Variants in ITGA6 observed in about 807,000 individuals in gnomAD.
The protein encoded by ITGA6 is integrin subunit alpha 6.
ITGA6 carries 63 observed loss-of-function variants against 133.6 expected under a neutral mutation model. That is an observed-to-expected ratio of 0.47 (90% CI 0.38 to 0.58). The LOEUF is 0.58. ITGA6 is among the 20% of genes least tolerant of loss of function. ITGA6 has a pLI of 0.00. For synonymous variants in ITGA6, 434 were observed against 482.0 expected, an observed-to-expected ratio of 0.90 and a Z score of 1.30; for missense variants, 1,068 against 1,309.4, an observed-to-expected ratio of 0.82 and a Z score of 2.85.
At chr2:172,474,017 G>C in intron 5 of ITGA6, 38 bp from the exon 6 acceptor site, 3 of 1,450,024 alleles carry the variant, frequency 2.1e-6, no homozygotes, top group Non-Finnish European at 2.9e-6. Flanking sequence ...AAAATATATG[G>C]ATTGATGTGA....
intron 1 of ITGA6, among the ~76,000 whole-genome samples, chr2:172,437,589 G>A (rs1376591156): frequency 6.6e-6 from 1 of 152,130 alleles, no homozygotes; most frequent in African/African-American, 2.4e-5. Flanking sequence ...GGTTTGGAGT[G>A]TCTAGACAGC....
At chr2:172,473,867 C>G (rs1686049082) in intron 5 of ITGA6, among the ~76,000 whole-genome samples, 188 bp from the exon 6 acceptor site, 1 of 152,106 alleles carries the variant, frequency 6.6e-6, no homozygotes. Flanking sequence ...AATTAGCTAG[C>G]CCCAGGACTT....
intron 5 of ITGA6, among the ~76,000 whole-genome samples, chr2:172,473,292 A>C (rs941711173): frequency 3.3e-5 from 5 of 152,216 alleles, no homozygotes; most frequent in Non-Finnish European, 5.9e-5. Context: ...GTAATCTGAC[A>C]TCCTACCTGA....
intron 10 of ITGA6, 78 bp downstream of exon 10, chr2:172,479,817 G>A: frequency 7.4e-7 from 1 of 1,355,550 alleles, no homozygotes; most frequent in Non-Finnish European, 1.1e-6. Context: ...GTCCTGAGGA[G>A]CCACAGGGAA....
intron 23 of ITGA6, chr2:172,495,518 T>A (rs1454034512): frequency 6.6e-6 from 1 of 152,080 alleles, no homozygotes; most frequent in African/African-American, 2.4e-5. Flanking sequence ...GGAGAATGAC[T>A]GTCATACCAG....
chr2:172,474,211 G>A lies in ITGA6; in HGVS notation c.932G>A (p.Gly311Asp), dbSNP rs149809522. The stretch of plus-strand genomic sequence containing the variant: ...CCTGAGCACATATTCGATGGAGAAG[G>A]TCTGGCCTCTTCATTTGGCTATGAT... ...LLPEHIFDGEGLASSFGYDVA... is the reference protein window; with the variant it reads ...LLPEHIFDGEDLASSFGYDVA... The change falls in exon 6 of 26, where the codon GGT becomes GAT. Residue 311 changes from glycine to aspartate, a missense_variant. By Grantham distance (94) the Gly-to-Asp change is moderately conservative. Coordinates refer to ENST00000684293, the MANE Select transcript of ITGA6 (RefSeq NM_000210.4). 2.8e-4 allele frequency: 458 copies of A among 1,614,126 alleles called. No homozygotes were observed. The highest frequency in any genetic ancestry group is 2.8e-4 in the Non-Finnish European group (328 of 1,180,030).
chr2:172,461,977 C>T (rs1314220970), intron 1 of ITGA6, among the ~76,000 whole-genome samples: 1 of 152,210 alleles, frequency 6.6e-6, no homozygotes, highest in African/African-American at 2.4e-5. Flanking sequence ...GGCACAGCCT[C>T]AGCTAATGGG....
chr2:172,475,773 A>T lies in ITGA6; in HGVS notation c.1269+88A>T, dbSNP rs867975768. On this transcript the variant is annotated intron_variant, in intron 8 of 25. Coordinates refer to ENST00000684293, the MANE Select transcript of ITGA6 (RefSeq NM_000210.4). ...TTAGGTTTAAGTGACTTTTCACACAAATCTTATTTTATTTACAAGTCCACA... is the reference window on the plus strand; with the variant it reads ...TTAGGTTTAAGTGACTTTTCACACATATCTTATTTTATTTACAAGTCCACA... The T allele has an allele frequency of 2.9e-4, 232 of 795,420 alleles. 1 individual carries two copies. The highest frequency in any genetic ancestry group is 2.3e-3 in the Middle Eastern group (10 of 4,396). The allele number at this position is 795,420 out of a possible 1,614,324, so 49.3% of individuals were successfully genotyped here.
chr2:172,485,503 AACC>A (rs1181224659), intron 13 of ITGA6, among the ~76,000 whole-genome samples: 2 of 152,204 alleles, frequency 1.3e-5, no homozygotes, highest in Non-Finnish European at 2.9e-5. Context: ...TGGCCATTAT[AACC>A]TATCGAGACT....
At chr2:172,484,751 C>T in intron 11 of ITGA6, 31 bp from the exon 12 acceptor site, 43 of 1,597,950 alleles carry the variant, frequency 2.7e-5, no homozygotes, top group Non-Finnish European at 3.7e-5. Flanking sequence ...CATGAATGCA[C>T]TTACGTTAAT....
chr2:172,471,895 T>C (rs1465105920), intron 5 of ITGA6, among the ~76,000 whole-genome samples: 1 of 123,796 alleles, frequency 8.1e-6, no homozygotes, highest in Non-Finnish European at 1.7e-5. Context: ...GTAACCTGTT[T>C]AAAAAAAAAA....
At chr2:172,431,370 C>T (rs913427816) in intron 1 of ITGA6, among the ~76,000 whole-genome samples, 4 of 152,220 alleles carry the variant, frequency 2.6e-5, no homozygotes, top group African/African-American at 9.6e-5. Flanking sequence ...CTAGAGAAAT[C>T]GGCAAGCATC....
chr2:172,446,034 T>C (rs1293910940), intron 1 of ITGA6, among the ~76,000 whole-genome samples: 2 of 152,240 alleles, frequency 1.3e-5, no homozygotes, highest in African/African-American at 4.8e-5. Context: ...TATGCCCAGC[T>C]AAAAAGTCTT....
At chr2:172,453,048 C>T (rs976285203) in intron 1 of ITGA6, among the ~76,000 whole-genome samples, 3 of 152,154 alleles carry the variant, frequency 2.0e-5, no homozygotes, top group African/African-American at 4.8e-5. Context: ...GCAGAGCAGT[C>T]ACTTAGCAAG....
At chr2:172,441,247 T>C (rs192202615) in intron 1 of ITGA6, among the ~76,000 whole-genome samples, 11 of 152,260 alleles carry the variant, frequency 7.2e-5, no homozygotes, top group Non-Finnish European at 8.8e-5. Context: ...AACTAATAAA[T>C]ATTATCTATC....
At position 172,504,374 on chromosome 2, in the gene ITGA6, T is replaced by A; in HGVS notation, c.*306T>A. On this transcript the variant is annotated 3_prime_UTR_variant, in exon 26 of 26. Transcript: ENST00000684293. ...CTGATTTCAGAGTGACTACACACAG[T>A]ACGAACCTACAGTTTTAACTGTGGA... The A allele has an allele frequency of 2.9e-6, 2 of 678,328 alleles. No individual in the cohort carries two copies. Among genetic ancestry groups the A allele is most frequent in the Non-Finnish European group, 2.4e-6 (1 of 415,052 alleles). 42.0% of individuals were successfully genotyped at this position (678,328 alleles called of 1,614,324 possible). A position where few individuals can be genotyped will look rare whatever the true frequency, so the allele number is the denominator to read the frequency against.
intron 1 of ITGA6, among the ~76,000 whole-genome samples, chr2:172,432,933 C>T (rs1273208308): frequency 1.3e-5 from 2 of 152,118 alleles, no homozygotes; most frequent in African/African-American, 4.8e-5. Context: ...TTGATAGCGG[C>T]AGGTTTATTT....
In ITGA6 at chr2:172,427,658, G is replaced by A. The variant is rs954145583; in HGVS notation, c.-131G>A. The A allele has an allele frequency of 7.6e-7, 1 of 1,319,888 alleles. No individual in the cohort carries two copies. Among genetic ancestry groups the A allele is most frequent in the Non-Finnish European group, 9.6e-7 (1 of 1,037,682 alleles). The allele number at this position is 1,319,888 out of a possible 1,614,324, so 81.8% of individuals were successfully genotyped here. On this transcript the variant is annotated 5_prime_UTR_variant, in exon 1 of 26. Transcript: ENST00000684293. Reference sequence around the variant, plus strand: ...GGACGGAGAGCGCGACCCGTCCCGGGGGTGGGGCCGGGCGCAGCGGCGAGA... The same window carrying A: ...GGACGGAGAGCGCGACCCGTCCCGGAGGTGGGGCCGGGCGCAGCGGCGAGA...
intron 1 of ITGA6, among the ~76,000 whole-genome samples, chr2:172,436,468 G>T (rs1684324527): frequency 6.6e-6 from 1 of 152,182 alleles, no homozygotes; most frequent in African/African-American, 2.4e-5. Flanking sequence ...CCTCATTCAG[G>T]ATGATCTGGG....
Sources: allele counts gnomAD v4.1 joint callset (sites outside exome capture counted in the v4.1 genomes callset), GRCh38; gene constraint gnomAD v4.1.1; transcripts MANE v1.5; gene names NCBI Gene and HGNC (gene_info 2026-07-23, HGNC 2026-07-21).